PTPN13: variants seen among roughly 807,000 people sequenced by gnomAD.
PTPN13 encodes tyrosine-protein phosphatase non-receptor type 13.
A neutral mutation model predicts 284.0 loss-of-function variants in PTPN13; 191 were observed. That is an observed-to-expected ratio of 0.67 (90% confidence interval 0.60 to 0.76). The LOEUF is 0.76. PTPN13 is among the 30% of genes least tolerant of loss of function. The pLI is 0.00. For missense variants in PTPN13, 2,797 were observed against 2,939.9 expected (o/e 0.95, Z 1.12); for synonymous variants, 986 against 1,022.3 (o/e 0.96, Z 0.68).
chr4:86,650,618 A>G (rs1019106747), intron 2 of PTPN13, among the ~76,000 whole-genome samples: 1 of 152,142 alleles, frequency 6.6e-6, no homozygotes, highest in African/African-American at 2.4e-5. Flanking sequence ...TATAGTTTTA[A>G]TTGTAGAGAT....
intron 41 of PTPN13, among the ~76,000 whole-genome samples, chr4:86,798,532 C>T (rs142410314): frequency 8.5e-5 from 13 of 152,222 alleles, no homozygotes; most frequent in East Asian, 1.9e-4. Context: ...CACTAAACAC[C>T]GTTCTCCTAC....
At chr4:86,701,896 T>C (rs1397520942) in intron 7 of PTPN13, 95 bp downstream of exon 7, 2 of 1,247,538 alleles carry the variant, frequency 1.6e-6, no homozygotes, top group Non-Finnish European at 2.2e-6. Context: ...ACAAGTCTTA[T>C]TTTCACTGCC....
intron 10 of PTPN13, among the ~76,000 whole-genome samples, chr4:86,726,749 C>A (rs1734300022): frequency 6.7e-6 from 1 of 149,298 alleles, no homozygotes; most frequent in Non-Finnish European, 1.5e-5. Context: ...ACAATTATGT[C>A]ATCTGCAAAC....
chr4:86,653,495 C>CTTTT (rs561218570), intron 2 of PTPN13, among the ~76,000 whole-genome samples: 247 of 141,078 alleles, frequency 1.8e-3, no homozygotes, highest in African/African-American at 5.8e-3. Flanking sequence ...CGCCTCAACT[C>CTTTT]TTTTTTTTTT....
At chr4:86,622,743 T>G (rs1721399443) in intron 1 of PTPN13, among the ~76,000 whole-genome samples, 2 of 152,202 alleles carry the variant, frequency 1.3e-5, no homozygotes, top group African/African-American at 2.4e-5. Context: ...CTCTTCTATC[T>G]GTGTGTACTA....
intron 7 of PTPN13, among the ~76,000 whole-genome samples, chr4:86,712,682 A>G (rs1732558397): frequency 6.6e-6 from 1 of 152,062 alleles, no homozygotes; most frequent in African/African-American, 2.4e-5. Flanking sequence ...TATTACTATA[A>G]AGCAGTAAAG....
At position 86,758,357 on chromosome 4, in the gene PTPN13, A is replaced by G. The variant is rs1357842570; in HGVS notation, c.3313+8A>G. On this transcript the variant is annotated splice_region_variant and intron_variant, in intron 21 of 47. Transcript: ENST00000411767. ...ATGCAAAGTATGGCTTGGGTAAGTC[A>G]CCGTGAGATTCTTGAAGGTCTATGA... The G allele has an allele frequency of 1.9e-6, 3 of 1,586,846 alleles. No individual in the cohort carries two copies. The East Asian group carries it at 6.7e-5, about 36-fold the overall frequency.
intron 23 of PTPN13, among the ~76,000 whole-genome samples, chr4:86,761,732 G>A (rs563006430): frequency 6.6e-5 from 10 of 152,162 alleles, no homozygotes; most frequent in South Asian, 2.1e-4. Flanking sequence ...CCCTTGTTCC[G>A]TGGGAGTTTT....
chr4:86,767,932 T>G lies in PTPN13; in HGVS notation c.4445T>G (p.Val1482Gly), dbSNP rs757047822. 1 of 1,611,058 alleles carries G rather than the reference T, an allele frequency of 6.2e-7. No individual in the cohort carries two copies. The highest frequency in any genetic ancestry group is 2.2e-5 in the East Asian group (1 of 44,806). ...QNAQGQGPEK[V>G]KKTTQVKDYS... Reference sequence around the variant, plus strand: ...GCCCAAGGTCAAGGCCCAGAAAAAGTGAAGAAAACAACTCAGGTCAAAGAC... The same window carrying G: ...GCCCAAGGTCAAGGCCCAGAAAAAGGGAAGAAAACAACTCAGGTCAAAGAC... The change falls in exon 28 of 48, where the codon GTG becomes GGG. Residue 1482 changes from valine to glycine, a missense_variant. Transcript: ENST00000411767.
chr4:86,604,228 C>G (rs1464733317), intron 1 of PTPN13, among the ~76,000 whole-genome samples: 1 of 151,976 alleles, frequency 6.6e-6, no homozygotes, highest in Non-Finnish European at 1.5e-5. Flanking sequence ...TAAATTTAAT[C>G]TATTTCTGAT....
At chr4:86,811,202 C>A in intron 47 of PTPN13, 94 bp downstream of exon 47, 1 of 1,227,270 alleles carries the variant, frequency 8.1e-7, no homozygotes, top group Non-Finnish European at 1.1e-6. Flanking sequence ...TTTGAGAGTT[C>A]CCATGTTAGA....
At chr4:86,789,572 T>C (rs1159144330) in intron 40 of PTPN13, among the ~76,000 whole-genome samples, 2 of 152,174 alleles carry the variant, frequency 1.3e-5, no homozygotes, top group Admixed American at 6.5e-5. Context: ...TCGTCCTAGA[T>C]CAAGGAGATG....
chr4:86,671,283 A>G (rs1433684757), intron 2 of PTPN13, among the ~76,000 whole-genome samples: 2 of 152,202 alleles, frequency 1.3e-5, no homozygotes, highest in African/African-American at 4.8e-5. Flanking sequence ...AAGTATAGAT[A>G]CTGTATGATA....
intron 9 of PTPN13, among the ~76,000 whole-genome samples, chr4:86,721,311 A>G (rs1733622198): frequency 6.6e-6 from 1 of 152,068 alleles, no homozygotes; most frequent in African/African-American, 2.4e-5. Flanking sequence ...GGGCCATAAA[A>G]TTACATTCAG....
intron 2 of PTPN13, among the ~76,000 whole-genome samples, chr4:86,651,089 C>T (rs1026334076): frequency 2.0e-5 from 3 of 152,022 alleles, no homozygotes; most frequent in African/African-American, 7.2e-5. Flanking sequence ...AGGTATGTTC[C>T]TTCTATACTG....
chr4:86,814,605 C>T lies in PTPN13; in HGVS notation c.*54C>T, dbSNP rs1198346669. The T allele has an allele frequency of 2.5e-5, 34 of 1,365,842 alleles. 1 individual carries two copies. In the South Asian group the frequency reaches 4.0e-4, roughly 16 times the overall value. The allele number at this position is 1,365,842 out of a possible 1,614,324, so 84.6% of individuals were successfully genotyped here. ...ATTTCTCTCCTTAACCTCCAGCAGA[C>T]TCCTGCTCTCTATCCAAAATAAAGA... On this transcript the variant is annotated 3_prime_UTR_variant, in exon 48 of 48. Coordinates refer to ENST00000411767, the MANE Select transcript of PTPN13 (RefSeq NM_080683.3).
At chr4:86,652,107 C>CA (rs1227099287) in intron 2 of PTPN13, among the ~76,000 whole-genome samples, 7 of 152,054 alleles carry the variant, frequency 4.6e-5, no homozygotes, top group South Asian at 2.1e-4. Flanking sequence ...AAACAAAAAA[C>CA]AAAAAAATCC....
intron 2 of PTPN13, among the ~76,000 whole-genome samples, chr4:86,659,160 G>A (rs1002222732): frequency 2.0e-5 from 3 of 151,950 alleles, no homozygotes; most frequent in African/African-American, 7.2e-5. Context: ...TGTTCTCTAT[G>A]ACCTGCATTA....
chr4:86,696,195 A>G (rs1414360563), intron 6 of PTPN13, among the ~76,000 whole-genome samples: 1 of 151,974 alleles, frequency 6.6e-6, no homozygotes. Context: ...TTCATAAAGG[A>G]CATTCATAAA....
Sources: gnomAD v4.1 joint callset for allele counts (sites outside exome capture counted in the v4.1 genomes callset) on GRCh38, gnomAD v4.1.1 for gene constraint, MANE v1.5 for transcripts, NCBI Gene and HGNC (gene_info 2026-07-23, HGNC 2026-07-21) for gene names.